The following OPCML variants were observed in gnomAD, a reference collection of about 807,000 sequenced individuals.
OPCML encodes the protein opioid-binding protein/cell adhesion molecule.
OPCML carries 13 observed loss-of-function variants against 37.8 expected under a neutral mutation model. The observed-to-expected ratio is 0.34, with a 90% CI of 0.22 to 0.55. The LOEUF (loss-of-function observed/expected upper bound fraction) is 0.55. Ranked by LOEUF, OPCML falls within the 20% of genes least tolerant of loss-of-function variation. OPCML has a pLI of 0.91. For missense variants in OPCML, 341 were observed against 435.6 expected, an observed-to-expected ratio of 0.78 and a Z score of 1.93; for synonymous variants, 176 against 168.8, an observed-to-expected ratio of 1.04 and a Z score of -0.33.
At chr11:133,034,030 T>G (rs1947721574) in intron 1 of OPCML, among the ~76,000 whole-genome samples, 1 of 152,162 alleles carries the variant, frequency 6.6e-6, no homozygotes, top group Non-Finnish European at 1.5e-5. Context: ...AATGACTTAG[T>G]TGCGATGGAA....
chr11:132,520,397 T>C (rs643120), intron 4 of OPCML, among the ~76,000 whole-genome samples: 130,499 of 152,170 alleles, frequency 0.86, 56,325 homozygotes, highest in African/African-American at 0.91. Flanking sequence ...AATAGACAAA[T>C]TATTCTTTCT....
intron 1 of OPCML, among the ~76,000 whole-genome samples, chr11:133,210,422 G>A (rs998269799): frequency 2.6e-5 from 4 of 151,968 alleles, no homozygotes; most frequent in African/African-American, 9.7e-5. Flanking sequence ...TTCCCAGGTT[G>A]CCCCACTGCA....
intron 1 of OPCML, chr11:133,007,364 G>T: frequency 1.0e-6 from 1 of 985,450 alleles, no homozygotes; most frequent in East Asian, 1.1e-4. Flanking sequence ...TGTGTGATTA[G>T]CTCAGCCACA....
At chr11:133,249,882 GA>G (rs1565529201) in intron 1 of OPCML, among the ~76,000 whole-genome samples, 1 of 152,096 alleles carries the variant, frequency 6.6e-6, no homozygotes, top group Non-Finnish European at 1.5e-5. Flanking sequence ...GAAGCACGAT[GA>G]AAAAAAGGCA....
chr11:133,498,217 G>A (rs1444860858), intron 1 of OPCML, among the ~76,000 whole-genome samples: 1 of 152,164 alleles, frequency 6.6e-6, no homozygotes, highest in East Asian at 1.9e-4. Flanking sequence ...GTGAGCCCAG[G>A]TCTCTCCCAG....
chr11:132,656,056 G>A (rs1941689933), intron 3 of OPCML, among the ~76,000 whole-genome samples: 2 of 152,046 alleles, frequency 1.3e-5, no homozygotes, highest in African/African-American at 4.8e-5. Context: ...GTTTCCTCAA[G>A]ATATCTGCAA....
At chr11:132,504,341 C>A (rs1359070368) in intron 4 of OPCML, among the ~76,000 whole-genome samples, 1 of 142,212 alleles carries the variant, frequency 7.0e-6, no homozygotes, top group Non-Finnish European at 1.5e-5. Flanking sequence ...AATACAAGCG[C>A]TGACTTGGAT....
chr11:133,157,261 T>C (rs1404805999), intron 1 of OPCML, among the ~76,000 whole-genome samples: 1 of 152,094 alleles, frequency 6.6e-6, no homozygotes, highest in Non-Finnish European at 1.5e-5. Context: ...ACCTTACAAA[T>C]TAAAAGCTGC....
intron 1 of OPCML, among the ~76,000 whole-genome samples, chr11:133,313,838 A>G (rs1239398199): frequency 6.6e-6 from 1 of 152,200 alleles, no homozygotes; most frequent in Non-Finnish European, 1.5e-5. Context: ...GTTGTTTTAA[A>G]CCACTCAGGT....
At chr11:133,521,768 C>T (rs748422748) in intron 1 of OPCML, among the ~76,000 whole-genome samples, 1 of 152,240 alleles carries the variant, frequency 6.6e-6, no homozygotes, top group Non-Finnish European at 1.5e-5. Flanking sequence ...TTCCAACATC[C>T]TCCTCTCTTT....
rs938204927 is a variant in OPCML at position 133,532,468 on chromosome 11, G to A, written c.-144C>T. On this transcript the variant is annotated 5_prime_UTR_variant, in exon 1 of 8. Transcript: ENST00000524381. Reference sequence around the variant, plus strand: ...GGAGAGAGCAGAAGAGAGAGAGAGCGCGCGAGAGATGGGAGCAGGCAGGCA... The same window carrying A: ...GGAGAGAGCAGAAGAGAGAGAGAGCACGCGAGAGATGGGAGCAGGCAGGCA... 7 of 966,440 alleles carry A rather than the reference G, an allele frequency of 7.2e-6. No homozygotes were observed. Among genetic ancestry groups the A allele is most frequent in the African/African-American group, 4.9e-5 (3 of 61,604 alleles). The allele number at this position is 966,440 out of a possible 1,614,324, so 59.9% of individuals were successfully genotyped here. A position where few individuals can be genotyped will look rare whatever the true frequency, so the allele number is the denominator to read the frequency against.
At chr11:132,821,265 C>G (rs2136248686) in intron 2 of OPCML, among the ~76,000 whole-genome samples, 1 of 152,318 alleles carries the variant, frequency 6.6e-6, no homozygotes, top group African/African-American at 2.4e-5. Context: ...CCCTTCCTCT[C>G]TCATTTCTAG....
intron 1 of OPCML, among the ~76,000 whole-genome samples, chr11:133,165,622 A>G (rs759830199): frequency 6.6e-6 from 1 of 152,178 alleles, no homozygotes; most frequent in East Asian, 1.9e-4. Context: ...CAATTAACAT[A>G]ATGGTCTTTT....
chr11:133,370,324 T>A (rs1293913491), intron 1 of OPCML, among the ~76,000 whole-genome samples: 3 of 152,096 alleles, frequency 2.0e-5, no homozygotes, highest in Non-Finnish European at 4.4e-5. Flanking sequence ...AAATTGTTTA[T>A]CAAGCAGCCA....
At chr11:133,528,489 G>A (rs1029271780) in intron 1 of OPCML, among the ~76,000 whole-genome samples, 29 of 152,176 alleles carry the variant, frequency 1.9e-4, no homozygotes, top group African/African-American at 7.0e-4. Flanking sequence ...CCGGCTCTGG[G>A]CTGGTGAGAG....
At chr11:133,067,754 C>G (rs11223353) in intron 1 of OPCML, 1 of 152,170 alleles carries the variant, frequency 6.6e-6, no homozygotes, top group Admixed American at 6.5e-5. Context: ...CATCGCCTCT[C>G]CCCCCAGGAT....
rs182906532 is a variant in OPCML at position 133,035,863 on chromosome 11, A to G, written c.62-92853T>C. On this transcript the variant is annotated intron_variant, in intron 1 of 7. Transcript: ENST00000524381. ...AGGCTGAATAAGGTTAAAAGACACC[A>G]TGGGCGCAGCGGCACAGACAACACC... 3.0e-4 allele frequency among the ~76,000 whole-genome samples: 46 copies of G among 152,278 alleles called. 1 individual carries two copies. The highest frequency in any genetic ancestry group is 1.1e-3 in the African/African-American group (45 of 41,556).
intron 3 of OPCML, among the ~76,000 whole-genome samples, chr11:132,577,779 C>A (rs2096454101): frequency 6.6e-6 from 1 of 152,114 alleles, no homozygotes; most frequent in Non-Finnish European, 1.5e-5. Flanking sequence ...GCTCAGTAAC[C>A]CTGTCTACAA....
intron 3 of OPCML, among the ~76,000 whole-genome samples, chr11:132,594,714 G>A (rs1246485779): frequency 6.6e-6 from 1 of 152,162 alleles, no homozygotes; most frequent in East Asian, 1.9e-4. Context: ...GTGAATATCC[G>A]ATTATATCAC....
Sources: allele counts gnomAD v4.1 joint callset (sites outside exome capture counted in the v4.1 genomes callset), GRCh38; gene constraint gnomAD v4.1.1; transcripts MANE v1.5; gene names NCBI Gene and HGNC (gene_info 2026-07-23, HGNC 2026-07-21).